The following COQ2 variants were observed in gnomAD, a reference collection of about 807,000 sequenced individuals.
COQ2 encodes 4-hydroxybenzoate polyprenyltransferase, mitochondrial.
COQ2 carries 25 observed loss-of-function variants against 35.7 expected under a neutral mutation model. The observed-to-expected ratio is 0.70, with a 90% CI of 0.51 to 0.98. The LOEUF is 0.98. Ranked by LOEUF, COQ2 falls within the 50% of genes least tolerant of loss-of-function variation. COQ2 has a pLI of 0.00. For synonymous variants in COQ2, 206 were observed against 186.2 expected (o/e 1.11, Z -0.86); for missense variants, 488 against 473.5 (o/e 1.03, Z -0.28).
intron 2 of COQ2, among the ~76,000 whole-genome samples, chr4:83,276,636 T>C (rs1735193066): frequency 6.6e-6 from 1 of 152,174 alleles, no homozygotes; most frequent in Admixed American, 6.5e-5. Context: ...GAAAACAGCA[T>C]GGAGATTTCT....
chr4:83,284,699 C>T lies in COQ2; in HGVS notation c.66G>A (p.Pro22=). 6.7e-7 allele frequency: 1 copy of T among 1,483,968 alleles called. No homozygotes were observed. Among genetic ancestry groups the T allele is most frequent in the South Asian group, 1.3e-5 (1 of 78,170 alleles). The allele number at this position is 1,483,968 out of a possible 1,614,324, so 91.9% of individuals were successfully genotyped here. A position where few individuals can be genotyped will look rare whatever the true frequency, so the allele number is the denominator to read the frequency against. ...GGGCGAAGGAGCGGCCCCGCCAGCC[C>T]GGCAGCCACGCCAGTGCCACAGCCC... The part of the protein sequence containing the change: ...GLRAVALAWL[P]GWRGRSFALA... Residue 22 remains proline, a synonymous_variant, in exon 1 of 7, where the codon CCG becomes CCA. Coordinates refer to ENST00000647002, the MANE Select transcript of COQ2 (RefSeq NM_001358921.2).
At chr4:83,265,602 C>CAAA (rs201490032) in intron 6 of COQ2, among the ~76,000 whole-genome samples, 373 of 151,788 alleles carry the variant, frequency 2.5e-3, no homozygotes, top group African/African-American at 7.9e-3. Flanking sequence ...ACAACAACAA[C>CAAA]AAAACTGGAC....
rs1334505089 is a variant in COQ2 at position 83,279,172 on chromosome 4, TTTGTTTAAAC to T, written c.254-68_254-59del. 32 of 1,487,014 alleles carry T rather than the reference TTTGTTTAAAC, an allele frequency of 2.2e-5. No individual in the cohort carries two copies. In the Admixed American group the frequency reaches 3.4e-4, roughly 16 times the overall value. The allele number at this position is 1,487,014 out of a possible 1,614,324, so 92.1% of individuals were successfully genotyped here. ...AATTTAAGTCAGTTAACTGTTTTCA[TTTGTTTAAAC>T]ATCACATACCAAAGAAATAAAGAAC... On this transcript the variant is annotated intron_variant, in intron 1 of 6. Coordinates refer to ENST00000647002, the MANE Select transcript of COQ2 (RefSeq NM_001358921.2).
At chr4:83,270,375 T>C (rs1416363231) in intron 4 of COQ2, among the ~76,000 whole-genome samples, 1 of 152,192 alleles carries the variant, frequency 6.6e-6, no homozygotes, top group Non-Finnish European at 1.5e-5. Context: ...ATGTTCTTTC[T>C]GTTACCACTC....
intron 1 of COQ2, among the ~76,000 whole-genome samples, chr4:83,282,950 A>G (rs1735360816): frequency 1.3e-5 from 2 of 152,192 alleles, no homozygotes; most frequent in Non-Finnish European, 2.9e-5. Context: ...ATGTTCATCT[A>G]TAAGGCTACA....
chr4:83,284,557 G>A lies in COQ2; in HGVS notation c.208C>T (p.Pro70Ser), dbSNP rs1193369117. 4.5e-6 allele frequency: 7 copies of A among 1,569,262 alleles called. No homozygotes were observed. Among genetic ancestry groups the A allele is most frequent in the Non-Finnish European group, 6.0e-6 (7 of 1,159,272 alleles). ...AAAVVDSAPR[P>S]LQPYLRLMRL... ...ATGAGGCGCAAGTACGGCTGCAGGG[G>A]GCGGGGCGCAGAGTCCACCACCGCC... The change falls in exon 1 of 7, where the codon CCC becomes TCC. Residue 70 changes from proline (P) to serine (S), a missense_variant. Pro to Ser is a moderately conservative substitution (Grantham distance 74). Transcript: ENST00000647002.
intron 2 of COQ2, among the ~76,000 whole-genome samples, chr4:83,274,992 A>C (rs1735133853): frequency 6.6e-6 from 1 of 152,064 alleles, no homozygotes; most frequent in African/African-American, 2.4e-5. Flanking sequence ...TTCACTTCTA[A>C]AATTTCCATT....
rs149798826 is a variant in COQ2, at chr4:83,270,680, TG to T, written c.629-688del. 9.9e-3 allele frequency among the ~76,000 whole-genome samples: 1,508 copies of T among 152,316 alleles called. 28 individuals carry two copies. The highest frequency in any genetic ancestry group is 0.034 in the African/African-American group (1,410 of 41,558). ...TTTCCACTCATGTCCCCTCCTTAACTGATGAAGTGCCTCTCCTTTGTGGTCC... is the reference window on the plus strand; with the variant it reads ...TTTCCACTCATGTCCCCTCCTTAACTATGAAGTGCCTCTCCTTTGTGGTCC... On this transcript the variant is annotated intron_variant, in intron 4 of 6. Coordinates refer to ENST00000647002, the MANE Select transcript of COQ2 (RefSeq NM_001358921.2).
intron 5 of COQ2, among the ~76,000 whole-genome samples, chr4:83,268,567 G>C (rs1206262136): frequency 6.6e-6 from 1 of 152,148 alleles, no homozygotes; most frequent in East Asian, 1.9e-4. Context: ...CACCTTCAGG[G>C]TGCAAACTGT....
chr4:83,265,466 G>A (rs983964197), intron 6 of COQ2, among the ~76,000 whole-genome samples: 3 of 152,048 alleles, frequency 2.0e-5, no homozygotes, highest in African/African-American at 4.8e-5. Flanking sequence ...CAGCTACTAC[G>A]GAGGCTGAGG....
chr4:83,267,504 AAACACAGAGGGC>A, intron 6 of COQ2, 70 bp downstream of exon 6: 1 of 1,285,684 alleles, frequency 7.8e-7, no homozygotes, highest in Non-Finnish European at 1.1e-6. Context: ...CTTGCCAGGT[AAACACAGAGGGC>A]ATACTGTTTA....
rs553681443 is a variant in COQ2, at chr4:83,269,946, C to G, written c.676G>C (p.Gly226Arg). Residue 226 changes from glycine to arginine, a missense_variant, in exon 5 of 7, where the codon GGT becomes CGT. By Grantham distance (125) the Gly-to-Arg change is moderately radical. Coordinates refer to ENST00000647002, the MANE Select transcript of COQ2 (RefSeq NM_001358921.2). The stretch of plus-strand genomic sequence containing the variant: ...AGGCAAACAGATGGATCACAGGAAC[C>G]CTTGATAGCAGACCATCCAAGTAAC... The part of the protein sequence containing the change: ...GALLGWSAIK[G>R]SCDPSVCLPL... The G allele has an allele frequency of 1.2e-6, 2 of 1,613,422 alleles. No individual in the cohort carries two copies. Among genetic ancestry groups the G allele is most frequent in the African/African-American group, 2.7e-5 (2 of 74,892 alleles).
chr4:83,264,943 C>T (rs1734876346), intron 6 of COQ2, among the ~76,000 whole-genome samples: 1 of 152,188 alleles, frequency 6.6e-6, no homozygotes, highest in South Asian at 2.1e-4. Context: ...AAGATATTGA[C>T]TGTATCTGGC....
intron 4 of COQ2, 37 bp from the exon 5 acceptor site, chr4:83,270,030 T>C (rs370821735): frequency 6.2e-6 from 10 of 1,608,092 alleles, no homozygotes; most frequent in Non-Finnish European, 8.5e-6. Flanking sequence ...GGAAAGTCTG[T>C]ATGTACTTTA....
At chr4:83,267,330 T>C (rs1734942360) in intron 6 of COQ2, 5 of 425,944 alleles carry the variant, frequency 1.2e-5, no homozygotes, top group Non-Finnish European at 1.7e-5. Flanking sequence ...TGAGCTGTGA[T>C]TGCACCACTG....
intron 2 of COQ2, among the ~76,000 whole-genome samples, chr4:83,277,973 AACACACACACACACACACACACACAC>A (rs10595798): frequency 5.0e-5 from 7 of 140,166 alleles, no homozygotes; most frequent in African/African-American, 1.9e-4. Flanking sequence ...TCCATCTCAA[AACACACACACACACACACACACACAC>A]ACACACACAC....
rs1734965667 is a variant in COQ2, at chr4:83,268,065, T to C, written c.763-291A>G. Among the ~76,000 whole-genome samples the C allele has an allele frequency of 5.3e-5, 8 of 152,198 alleles. No individual in the cohort carries two copies. In the South Asian group the frequency reaches 1.7e-3, roughly 32 times the overall value. ...CATCCAGCTTCATTTCTATACACCA[T>C]TATATTTGTTATAATCCTATAATGA... is the stretch of plus-strand genomic sequence containing the variant. On this transcript the variant is annotated intron_variant, in intron 5 of 6. Coordinates refer to ENST00000647002, the MANE Select transcript of COQ2 (RefSeq NM_001358921.2).
Position 83,267,652 on chromosome 4 carries a change from C to T in COQ2, c.885G>A (p.Val295=), listed in dbSNP as rs533968602. The change falls in exon 6 of 7, where the codon GTG becomes GTA. Residue 295 remains valine, a synonymous_variant. Coordinates refer to ENST00000647002, the MANE Select transcript of COQ2 (RefSeq NM_001358921.2). ...AGTAGGGAGCAGTCTGTCCACTGTT[C>T]ACACCCACTAGGCTCAGTGCCCCCA... The part of the protein sequence containing the change: ...AMLGALSLVG[V]NSGQTAPYYA... 19 of 1,578,976 alleles carry T rather than the reference C, an allele frequency of 1.2e-5. No homozygotes were observed. In the Admixed American group the frequency reaches 3.3e-4, roughly 27 times the overall value.
intron 1 of COQ2, chr4:83,281,686 C>T (rs1735326888): frequency 6.6e-6 from 1 of 152,130 alleles, no homozygotes; most frequent in Non-Finnish European, 1.5e-5. Flanking sequence ...CTTACTGTAC[C>T]AGGTGGTTTC....
Sources: allele counts gnomAD v4.1 joint callset (sites outside exome capture counted in the v4.1 genomes callset), GRCh38; gene constraint gnomAD v4.1.1; transcripts MANE v1.5; gene names NCBI Gene and HGNC (gene_info 2026-07-23, HGNC 2026-07-21).